GRIN2B: variants seen among roughly 807,000 people sequenced by gnomAD.
The protein encoded by GRIN2B is glutamate receptor ionotropic, NMDA 2B.
GRIN2B carries 5 observed loss-of-function variants against 114.5 expected under a neutral mutation model. The ratio of observed to expected loss-of-function variants is 0.04; its 90% CI spans 0.02 to 0.09. The LOEUF (loss-of-function observed/expected upper bound fraction) is 0.09. GRIN2B is among the 10% of genes least tolerant of loss of function. The pLI is 1.00. For missense variants in GRIN2B, 1,108 were observed against 1,943.5 expected, an observed-to-expected ratio of 0.57 and a Z score of 8.08; for synonymous variants, 787 against 745.1, an observed-to-expected ratio of 1.06 and a Z score of -0.92.
intron 10 of GRIN2B, among the ~76,000 whole-genome samples, chr12:13,599,191 T>C (rs1949118756): frequency 6.6e-6 from 1 of 152,182 alleles, no homozygotes; most frequent in Non-Finnish European, 1.5e-5. Context: ...CTGTGACCCA[T>C]GCTGGACAGG....
chr12:13,658,610 C>G (rs1949890905), intron 5 of GRIN2B, among the ~76,000 whole-genome samples: 1 of 152,124 alleles, frequency 6.6e-6, no homozygotes, highest in Admixed American at 6.6e-5. Context: ...GAGCACAGAT[C>G]CATCACTGAA....
intron 4 of GRIN2B, among the ~76,000 whole-genome samples, chr12:13,719,545 A>T (rs1950489356): frequency 1.3e-5 from 2 of 152,064 alleles, no homozygotes; most frequent in Admixed American, 6.6e-5. Context: ...ATGAGAAGCT[A>T]CATGGTGGTA....
At chr12:13,567,968 G>T (rs1464412134) in intron 12 of GRIN2B, among the ~76,000 whole-genome samples, 4 of 151,978 alleles carry the variant, frequency 2.6e-5, no homozygotes, top group African/African-American at 9.7e-5. Context: ...GTGCAAAGCA[G>T]ATTGGGTAGG....
chr12:13,606,459 A>G (rs1485571080), intron 10 of GRIN2B, among the ~76,000 whole-genome samples: 1 of 152,010 alleles, frequency 6.6e-6, no homozygotes, highest in Non-Finnish European at 1.5e-5. Flanking sequence ...ACTCAGTCCC[A>G]CCCCTCCCAA....
At chr12:13,681,200 G>C (rs191517883) in intron 4 of GRIN2B, among the ~76,000 whole-genome samples, 68 of 152,220 alleles carry the variant, frequency 4.5e-4, no homozygotes, top group Non-Finnish European at 7.6e-4. Flanking sequence ...ACAAGCACTA[G>C]ATTTTTAAAA....
chr12:13,762,756 A>G (rs1409785961), intron 3 of GRIN2B, among the ~76,000 whole-genome samples: 5 of 152,166 alleles, frequency 3.3e-5, no homozygotes, highest in Admixed American at 1.3e-4. Flanking sequence ...CCAGCTCCAT[A>G]TGGAGTGAGA....
chr12:13,963,234 T>A (rs546984041), intron 2 of GRIN2B, among the ~76,000 whole-genome samples: 3 of 152,306 alleles, frequency 2.0e-5, no homozygotes, highest in Non-Finnish European at 2.9e-5. Flanking sequence ...GATCGCCCCC[T>A]TGGACACACC....
intron 3 of GRIN2B, among the ~76,000 whole-genome samples, chr12:13,759,551 A>G (rs912448041): frequency 1.3e-5 from 2 of 152,120 alleles, no homozygotes; most frequent in Non-Finnish European, 2.9e-5. Context: ...ATCCAATTAG[A>G]CTTTCAACAC....
intron 5 of GRIN2B, among the ~76,000 whole-genome samples, chr12:13,653,040 T>TA (rs1234719769): frequency 6.6e-6 from 1 of 152,076 alleles, no homozygotes; most frequent in Non-Finnish European, 1.5e-5. Flanking sequence ...AAGGATAGAT[T>TA]AGAAAAGGGC....
chr12:13,714,268 A>G (rs1399143005), intron 4 of GRIN2B, among the ~76,000 whole-genome samples: 1 of 151,858 alleles, frequency 6.6e-6, no homozygotes, highest in Non-Finnish European at 1.5e-5. Flanking sequence ...TCTTTTAATA[A>G]GTCTCAGCAA....
At chr12:13,676,767 T>C (rs2136541908) in intron 4 of GRIN2B, among the ~76,000 whole-genome samples, 1 of 152,064 alleles carries the variant, frequency 6.6e-6, no homozygotes, top group Admixed American at 6.6e-5. Flanking sequence ...CTTCTAAGAG[T>C]TGTGAGATGA....
At position 13,718,829 on chromosome 12, in the gene GRIN2B, G is replaced by A. The variant is rs181734316; in HGVS notation, c.1010+34488C>T. 1.1e-3 allele frequency among the ~76,000 whole-genome samples: 166 copies of A among 152,066 alleles called. 1 individual carries two copies. Among genetic ancestry groups the A allele is most frequent in the Admixed American group, 1.7e-3 (26 of 15,258 alleles). ...GGATATAATGACTGGCTCCCTTCAC[G>A]CTGTAAGTAGAAACACAGAGAAGAT... On this transcript the variant is annotated intron_variant, in intron 4 of 13. Coordinates refer to ENST00000609686, the MANE Select transcript of GRIN2B (RefSeq NM_000834.5).
chr12:13,932,977 G>GTA (rs1867062704), intron 2 of GRIN2B, among the ~76,000 whole-genome samples: 1 of 144,782 alleles, frequency 6.9e-6, no homozygotes, highest in African/African-American at 2.6e-5. Flanking sequence ...GTGTGTGTGT[G>GTA]TGTGTGTGTG....
rs1455189031 is a variant in GRIN2B at position 13,776,762 on chromosome 12, A to G, written c.412-22847T>C. ...GATAAAAAGATGAATATAGGTAACA[A>G]AACAAAGAAAAAAGGAAAGACAGTG... is the stretch of plus-strand genomic sequence containing the variant. On this transcript the variant is annotated intron_variant, in intron 3 of 13. Coordinates refer to ENST00000609686, the MANE Select transcript of GRIN2B (RefSeq NM_000834.5). 2.0e-5 allele frequency among the ~76,000 whole-genome samples: 3 copies of G among 152,226 alleles called. No homozygotes were observed. The East Asian group carries it at 5.8e-4, about 29-fold the overall frequency.
chr12:13,913,858 C>T (rs553776351), intron 2 of GRIN2B, among the ~76,000 whole-genome samples: 1 of 152,256 alleles, frequency 6.6e-6, no homozygotes, highest in East Asian at 1.9e-4. Context: ...CCTCAGTTTC[C>T]TCATCTATAA....
intron 2 of GRIN2B, among the ~76,000 whole-genome samples, chr12:13,925,268 G>A (rs971101866): frequency 1.3e-5 from 2 of 152,006 alleles, no homozygotes; most frequent in Non-Finnish European, 2.9e-5. Flanking sequence ...CTTGACCCAC[G>A]ACCCTGGTTT....
chr12:13,662,062 C>T (rs148324947), intron 5 of GRIN2B, among the ~76,000 whole-genome samples: 4 of 152,252 alleles, frequency 2.6e-5, no homozygotes, highest in Admixed American at 2.6e-4. Context: ...GCCATGCTCA[C>T]TTAGAACAGT....
chr12:13,670,776 T>C (rs1950015912), intron 5 of GRIN2B, among the ~76,000 whole-genome samples: 1 of 152,182 alleles, frequency 6.6e-6, no homozygotes, highest in African/African-American at 2.4e-5. Flanking sequence ...AAAATATTTC[T>C]TTTTAAATGT....
intron 5 of GRIN2B, among the ~76,000 whole-genome samples, chr12:13,629,933 G>C (rs1949603426): frequency 6.6e-6 from 1 of 152,140 alleles, no homozygotes; most frequent in Non-Finnish European, 1.5e-5. Context: ...GGACTAAGGG[G>C]TTAGGTATCC....
Sources: allele counts gnomAD v4.1 joint callset (sites outside exome capture counted in the v4.1 genomes callset), GRCh38; gene constraint gnomAD v4.1.1; transcripts MANE v1.5; gene names NCBI Gene and HGNC (gene_info 2026-07-23, HGNC 2026-07-21).